Variants in WDR33 observed in about 807,000 individuals in gnomAD.
The protein encoded by WDR33 is pre-mRNA 3' end processing protein WDR33.
A neutral mutation model predicts 164.9 loss-of-function variants in WDR33; 47 were observed. The observed-to-expected ratio is 0.29, with a 90% CI of 0.23 to 0.36. WDR33 has a LOEUF of 0.36. Ranked by LOEUF, WDR33 falls within the 10% of genes least tolerant of loss-of-function variation. WDR33 has a pLI of 1.00. For synonymous variants in WDR33, 505 were observed against 589.0 expected (o/e 0.86, Z 2.06); for missense variants, 1,137 against 1,754.1 (o/e 0.65, Z 6.28).
Position 127,701,483 on chromosome 2 carries a change from C to G in WDR33, c.*4840G>C. The G allele has an allele frequency of 1.6e-6, 2 of 1,259,948 alleles. No individual in the cohort carries two copies. The highest frequency in any genetic ancestry group is 2.0e-6 in the Non-Finnish European group (2 of 999,592). The allele number at this position is 1,259,948 out of a possible 1,614,324, so 78.0% of individuals were successfully genotyped here. On this transcript the variant is annotated 3_prime_UTR_variant, in exon 22 of 22. Coordinates refer to ENST00000322313, the MANE Select transcript of WDR33 (RefSeq NM_018383.5). ...AGACCGAACCGCTTCAGCGGAGGGC[C>G]GGAAGTGAGCCGCAGCTTTTCCTTT...
chr2:127,771,880 A>G (rs1688015159), intron 1 of WDR33, among the ~76,000 whole-genome samples: 1 of 152,180 alleles, frequency 6.6e-6, no homozygotes, highest in Non-Finnish European at 1.5e-5. Flanking sequence ...TCGTGAAGAA[A>G]AAAAGCACAA....
Position 127,719,770 on chromosome 2 carries a change from G to A in WDR33, c.2255C>T (p.Pro752Leu). ...GPPGPRGMQG[P>L]PHPHGIQGGP... ...GCCTTGGATCCCATGAGGATGAGGA[G>A]GCCCTTGCATTCCTCTGGGACCAGG... The change falls in exon 16 of 22, where the codon CCT (proline) becomes CTT (leucine). Residue 752 changes from proline (P) to leucine (L), a missense_variant. This residue lies in a region of WDR33 where 867 missense variants were observed against 1,073.0 expected (regional missense o/e 0.81). Transcript: ENST00000322313. The surrounding 1 kb of genome is among the most constrained non-coding windows in gnomAD (Gnocchi z 6.5). 1 of 1,613,902 alleles carries A rather than the reference G, an allele frequency of 6.2e-7. No individual in the cohort carries two copies.
intron 3 of WDR33, 67 bp from the exon 4 acceptor site, chr2:127,768,360 G>T: frequency 2.2e-6 from 2 of 910,322 alleles, no homozygotes; most frequent in South Asian, 2.4e-5. Flanking sequence ...CAGAAACACG[G>T]CAAGGTAATT....
At chr2:127,755,896 G>C (rs1006811376) in intron 7 of WDR33, among the ~76,000 whole-genome samples, 1 of 152,146 alleles carries the variant, frequency 6.6e-6, no homozygotes, top group African/African-American at 2.4e-5. Context: ...ACTTCCTTCA[G>C]TATTTTCTAA....
rs1055045856 is a variant in WDR33, at chr2:127,716,589, C to A, written c.2869+566G>T. On this transcript the variant is annotated intron_variant, in intron 17 of 21. Coordinates refer to ENST00000322313, the MANE Select transcript of WDR33 (RefSeq NM_018383.5). This position sits in a 1 kb window ranked among gnomAD's most constrained non-coding sequence, Gnocchi z 4.5. ...GGTGCCCTGCGTGCTCTCCTTCAAC[C>A]CTTAGGATTAACTCTAAACTTCCAA... Among the ~76,000 whole-genome samples, 1 of 152,196 alleles carries A rather than the reference C, an allele frequency of 6.6e-6. No homozygotes were observed. Among genetic ancestry groups the A allele is most frequent in the East Asian group, 1.9e-4 (1 of 5,198 alleles).
At position 127,701,543 on chromosome 2, in the gene WDR33, C is replaced by T. The variant is rs751417178; in HGVS notation, c.*4780G>A. The T allele has an allele frequency of 4.5e-6, 6 of 1,345,278 alleles. No homozygotes were observed. The highest frequency in any genetic ancestry group is 2.8e-4 in the Middle Eastern group (1 of 3,510). 83.3% of individuals were successfully genotyped at this position (1,345,278 alleles called of 1,614,324 possible). On this transcript the variant is annotated 3_prime_UTR_variant, in exon 22 of 22. Coordinates refer to ENST00000322313, the MANE Select transcript of WDR33 (RefSeq NM_018383.5). ...CCTTGTCCAAGATGGCGGACCTCCA[C>T]CGCCAGCTGCAGGAGTACCTGGCGC...
In WDR33 at chr2:127,712,385, A is replaced by C; in HGVS notation, c.3308+1198T>G. On this transcript the variant is annotated intron_variant, in intron 18 of 21. Coordinates refer to ENST00000322313, the MANE Select transcript of WDR33 (RefSeq NM_018383.5). The surrounding 1 kb of genome is among the most constrained non-coding windows in gnomAD (Gnocchi z 4.0). ...CACTCCAGCCTGGCAACAGAGCAAG[A>C]CTCCGTCTCAAGAAGAAAAAAAAAA... 6.6e-6 allele frequency among the ~76,000 whole-genome samples: 1 copy of C among 150,690 alleles called. No individual in the cohort carries two copies. The highest frequency in any genetic ancestry group is 6.6e-5 in the Admixed American group (1 of 15,068).
At position 127,771,627 on chromosome 2, in the gene WDR33, C is replaced by T. The variant is rs949500543; in HGVS notation, c.-23-623G>A. Among the ~76,000 whole-genome samples the T allele has an allele frequency of 2.0e-5, 3 of 152,054 alleles. 1 individual carries two copies. Among genetic ancestry groups the T allele is most frequent in the South Asian group, 4.1e-4 (2 of 4,826 alleles). On this transcript the variant is annotated intron_variant, in intron 1 of 21. Coordinates refer to ENST00000322313, the MANE Select transcript of WDR33 (RefSeq NM_018383.5). ...TTCCCATCTCTACAAAAAATAAAAACACTAGCTGGACATGATGGCATGCAC... is the reference window on the plus strand; with the variant it reads ...TTCCCATCTCTACAAAAAATAAAAATACTAGCTGGACATGATGGCATGCAC...
rs1246831232 is a variant in WDR33, at chr2:127,721,722, T to C, written c.1671+114A>G. On this transcript the variant is annotated intron_variant, in intron 15 of 21. Transcript: ENST00000322313. This position sits in a 1 kb window ranked among gnomAD's most constrained non-coding sequence, Gnocchi z 4.9. ...CTAGCATAGCAACAGGAAATGGCGGTGTTTGTCAGACCATGGGAGAGCCCC... is the reference window on the plus strand; with the variant it reads ...CTAGCATAGCAACAGGAAATGGCGGCGTTTGTCAGACCATGGGAGAGCCCC... The C allele has an allele frequency of 9.1e-7, 1 of 1,094,670 alleles. No individual in the cohort carries two copies. Among genetic ancestry groups the C allele is most frequent in the African/African-American group, 1.6e-5 (1 of 61,408 alleles). The allele number at this position is 1,094,670 out of a possible 1,614,324, so 67.8% of individuals were successfully genotyped here. A position where few individuals can be genotyped will look rare whatever the true frequency, so the allele number is the denominator to read the frequency against.
chr2:127,724,584 C>G lies in WDR33; in HGVS notation c.1086-141G>C. On this transcript the variant is annotated intron_variant, in intron 10 of 21. Coordinates refer to ENST00000322313, the MANE Select transcript of WDR33 (RefSeq NM_018383.5). This position sits in a 1 kb window ranked among gnomAD's most constrained non-coding sequence, Gnocchi z 4.8. ...GGACTCTGGTGAATTCCACATGTCT[C>G]GGGGTATTGGCTTGTCATTGCCAAA... 1 of 744,388 alleles carries G rather than the reference C, an allele frequency of 1.3e-6. No individual in the cohort carries two copies. The highest frequency in any genetic ancestry group is 2.7e-5 in the Admixed American group (1 of 37,284). The allele number at this position is 744,388 out of a possible 1,614,324, so 46.1% of individuals were successfully genotyped here. A position where few individuals can be genotyped will look rare whatever the true frequency, so the allele number is the denominator to read the frequency against.
Position 127,724,584 on chromosome 2 carries a change from C to A in WDR33, c.1086-141G>T. 1.3e-6 allele frequency: 1 copy of A among 744,388 alleles called. No individual in the cohort carries two copies. The highest frequency in any genetic ancestry group is 1.8e-5 in the South Asian group (1 of 55,680). 46.1% of individuals were successfully genotyped at this position (744,388 alleles called of 1,614,324 possible). ...GGACTCTGGTGAATTCCACATGTCT[C>A]GGGGTATTGGCTTGTCATTGCCAAA... On this transcript the variant is annotated intron_variant, in intron 10 of 21. Transcript: ENST00000322313. This position sits in a 1 kb window ranked among gnomAD's most constrained non-coding sequence, Gnocchi z 4.8.
intron 17 of WDR33, among the ~76,000 whole-genome samples, chr2:127,715,580 C>T (rs1686281050): frequency 6.6e-6 from 1 of 152,196 alleles, no homozygotes; most frequent in African/African-American, 2.4e-5. Flanking sequence ...AGCTCCATTT[C>T]CTTCTGGTAG....
chr2:127,805,735 G>A (rs1039456053), intron 1 of WDR33, among the ~76,000 whole-genome samples: 4 of 152,092 alleles, frequency 2.6e-5, no homozygotes, highest in African/African-American at 7.2e-5. Flanking sequence ...AGCTAAAAGC[G>A]AAAGCCTCCT....
Position 127,763,347 on chromosome 2 carries a change from A to G in WDR33, c.627-188T>C. 7.1e-7 allele frequency: 1 copy of G among 1,411,918 alleles called. No homozygotes were observed. The highest frequency in any genetic ancestry group is 9.2e-7 in the Non-Finnish European group (1 of 1,084,416). 87.5% of individuals were successfully genotyped at this position (1,411,918 alleles called of 1,614,324 possible). ...CATCTCATCAAAAGAAGACTTCAACAGAGCAGTTGTTTGAGTTTTCAATCA... is the reference window on the plus strand; with the variant it reads ...CATCTCATCAAAAGAAGACTTCAACGGAGCAGTTGTTTGAGTTTTCAATCA... On this transcript the variant is annotated intron_variant, in intron 6 of 21. Coordinates refer to ENST00000322313, the MANE Select transcript of WDR33 (RefSeq NM_018383.5). This position sits in a 1 kb window ranked among gnomAD's most constrained non-coding sequence, Gnocchi z 4.5.
At chr2:127,799,873 C>T (rs1348183897) in intron 1 of WDR33, among the ~76,000 whole-genome samples, 2 of 152,192 alleles carry the variant, frequency 1.3e-5, no homozygotes, top group African/African-American at 2.4e-5. Flanking sequence ...GCCTGGGCAA[C>T]AGAGTGAGAC....
intron 7 of WDR33, chr2:127,737,945 T>C: frequency 6.3e-7 from 1 of 1,593,622 alleles, no homozygotes; most frequent in Non-Finnish European, 8.5e-7. Flanking sequence ...AGAATCTTCT[T>C]GGGTATATTC....
At chr2:127,785,399 G>A (rs112084485) in intron 1 of WDR33, among the ~76,000 whole-genome samples, 2,521 of 152,272 alleles carry the variant, frequency 0.017, 19 homozygotes, top group East Asian at 0.03. Flanking sequence ...CTCTTGAGTT[G>A]TGACAAATGT....
chr2:127,711,780 A>ATATATATATATATATATCTATTTTTT, intron 18 of WDR33, among the ~76,000 whole-genome samples: 1 of 88,320 alleles, frequency 1.1e-5, no homozygotes, highest in African/African-American at 6.5e-5. Context: ...ATATATATAT[A>ATATATATATATATATATCTATTTTTT]TTTTTTTTTT....
intron 1 of WDR33, among the ~76,000 whole-genome samples, chr2:127,785,939 A>T (rs991802508): frequency 6.6e-6 from 1 of 152,260 alleles, no homozygotes; most frequent in Non-Finnish European, 1.5e-5. Flanking sequence ...CAACTGGCAA[A>T]GTGAGAGTTC....
Sources: allele counts gnomAD v4.1 joint callset (sites outside exome capture counted in the v4.1 genomes callset), GRCh38; gene constraint gnomAD v4.1.1; regional missense constraint gnomAD v4.1.1; non-coding constraint Gnocchi (gnomAD v3.1); transcripts MANE v1.5; gene names NCBI Gene and HGNC (gene_info 2026-07-23, HGNC 2026-07-21).